PARD3: variants seen among roughly 807,000 people sequenced by gnomAD.
The protein encoded by PARD3 is partitioning defective 3 homolog.
In PARD3, 75 loss-of-function variants were observed where a neutral mutation model predicts 155.4. The observed-to-expected ratio is 0.48, with a 90% CI of 0.40 to 0.58. The LOEUF is 0.58. Among genes scored for constraint, PARD3 ranks in the 20% least tolerant of loss-of-function variants. The pLI, the probability that PARD3 is intolerant of heterozygous loss-of-function variation, is 0.00. For synonymous variants in PARD3, 576 were observed against 610.5 expected (o/e 0.94, Z 0.83); for missense variants, 1,642 against 1,721.7 (o/e 0.95, Z 0.82).
chr10:34,717,553 T>C (rs1434475846), intron 1 of PARD3, among the ~76,000 whole-genome samples: 1 of 152,112 alleles, frequency 6.6e-6, no homozygotes, highest in Non-Finnish European at 1.5e-5. Context: ...TTCCAAACCC[T>C]GAGAGTCTGG....
chr10:34,293,485 C>A (rs1053084185), intron 20 of PARD3, among the ~76,000 whole-genome samples: 1 of 151,956 alleles, frequency 6.6e-6, no homozygotes, highest in Non-Finnish European at 1.5e-5. Context: ...TACAAACATA[C>A]TATATATATA....
At chr10:34,368,004 G>A (rs750755357) in intron 12 of PARD3, among the ~76,000 whole-genome samples, 50 of 152,156 alleles carry the variant, frequency 3.3e-4, no homozygotes, top group Non-Finnish European at 4.7e-4. Flanking sequence ...TGTAGTCTCA[G>A]CACTTTGGAA....
intron 1 of PARD3, 38 bp downstream of exon 1, chr10:34,814,838 C>G: frequency 9.2e-7 from 1 of 1,088,268 alleles, no homozygotes; most frequent in Non-Finnish European, 1.3e-6. Flanking sequence ...GCCGTCCCCG[C>G]CGCCGCCCCC....
At chr10:34,261,780 GA>G (rs751946906) in intron 22 of PARD3, among the ~76,000 whole-genome samples, 1,343 of 46,042 alleles carry the variant, frequency 0.029, 13 homozygotes, top group Middle Eastern at 0.05. Context: ...AAGAAAGAAA[GA>G]AAAGAAAGAA....
chr10:34,305,805 G>A (rs1121830), intron 20 of PARD3, among the ~76,000 whole-genome samples: 1 of 151,850 alleles, frequency 6.6e-6, no homozygotes, highest in Non-Finnish European at 1.5e-5. Flanking sequence ...AAGTGAGACC[G>A]TGTCTTTACA....
chr10:34,737,732 A>T (rs916434756), intron 1 of PARD3, among the ~76,000 whole-genome samples: 1 of 152,212 alleles, frequency 6.6e-6, no homozygotes, highest in African/African-American at 2.4e-5. Flanking sequence ...CCTAGTTTGG[A>T]CTTCCCAGCC....
intron 1 of PARD3, among the ~76,000 whole-genome samples, chr10:34,700,303 G>A (rs1328000373): frequency 2.6e-5 from 4 of 152,190 alleles, no homozygotes; most frequent in Admixed American, 6.5e-5. Flanking sequence ...CTAAGACTAA[G>A]AATGGAAGCA....
intron 3 of PARD3, among the ~76,000 whole-genome samples, chr10:34,474,979 A>C (rs578201179): frequency 1.4e-4 from 21 of 152,336 alleles, no homozygotes; most frequent in African/African-American, 4.8e-4. Flanking sequence ...AAAAAAATCT[A>C]TCATTAAATG....
chr10:34,254,259 G>A (rs61840227), intron 22 of PARD3, among the ~76,000 whole-genome samples: 118 of 152,092 alleles, frequency 7.8e-4, no homozygotes, highest in Non-Finnish European at 1.4e-3. Flanking sequence ...ACGTGCTGTA[G>A]TCCCAGCTAC....
At position 34,605,560 on chromosome 10, in the gene PARD3, C is replaced by CTA. The variant is rs772269864; in HGVS notation, c.223-88403_223-88402dup. On this transcript the variant is annotated intron_variant, in intron 2 of 24. Coordinates refer to ENST00000374788, the MANE Select transcript of PARD3 (RefSeq NM_001184785.2). The stretch of plus-strand genomic sequence containing the variant: ...TCCTATATATATATATATATATCTC[C>CTA]TATATATATATATATCTCCTATATA... Among the ~76,000 whole-genome samples, 51 of 14,578 alleles carry CTA rather than the reference C, an allele frequency of 3.5e-3. 8 individuals are homozygous for CTA. The South Asian group carries it at 0.038, about 11-fold the overall frequency. The allele number at this position is 14,578 out of a possible 152,430, so 9.6% of individuals were successfully genotyped here. A position where few individuals can be genotyped will look rare whatever the true frequency, so the allele number is the denominator to read the frequency against.
intron 1 of PARD3, among the ~76,000 whole-genome samples, chr10:34,790,855 C>A (rs1165939621): frequency 2.0e-5 from 3 of 151,962 alleles, no homozygotes; most frequent in South Asian, 2.1e-4. Flanking sequence ...GGCCTGTGAC[C>A]CAAAAATAAA....
intron 2 of PARD3, among the ~76,000 whole-genome samples, chr10:34,566,431 G>GT (rs2085947428): frequency 6.6e-6 from 1 of 152,198 alleles, no homozygotes; most frequent in Non-Finnish European, 1.5e-5. Context: ...ACCTGCAAGT[G>GT]CAAAGATACC....
At chr10:34,592,317 T>C (rs1422931236) in intron 2 of PARD3, among the ~76,000 whole-genome samples, 1 of 152,202 alleles carries the variant, frequency 6.6e-6, no homozygotes, top group Non-Finnish European at 1.5e-5. Flanking sequence ...GGGACACTAA[T>C]TTTTTTCCTC....
intron 2 of PARD3, among the ~76,000 whole-genome samples, chr10:34,557,623 C>T (rs898845822): frequency 6.6e-6 from 1 of 152,032 alleles, no homozygotes; most frequent in Non-Finnish European, 1.5e-5. Flanking sequence ...GGATTACAGG[C>T]GTCCGCCACC....
chr10:34,494,129 T>A (rs969321662), intron 3 of PARD3, among the ~76,000 whole-genome samples: 16 of 152,112 alleles, frequency 1.1e-4, no homozygotes, highest in African/African-American at 3.9e-4. Context: ...TCACCAAAAA[T>A]ACACAGCACT....
intron 1 of PARD3, among the ~76,000 whole-genome samples, chr10:34,755,571 C>A (rs1022802032): frequency 6.6e-6 from 1 of 152,170 alleles, no homozygotes; most frequent in East Asian, 1.9e-4. Context: ...GGATCTGGAT[C>A]TGCTTGTAGT....
At chr10:34,410,559 T>C (rs1221549168) in intron 5 of PARD3, among the ~76,000 whole-genome samples, 2 of 152,192 alleles carry the variant, frequency 1.3e-5, no homozygotes, top group African/African-American at 2.4e-5. Flanking sequence ...ATGTTTCAAA[T>C]GGCATGATCA....
At position 34,594,226 on chromosome 10, in the gene PARD3, TCTTGGAAGGAC is replaced by T. The variant is rs558394536; in HGVS notation, c.223-77078_223-77068del. On this transcript the variant is annotated intron_variant, in intron 2 of 24. Coordinates refer to ENST00000374788, the MANE Select transcript of PARD3 (RefSeq NM_001184785.2). ...GACTTTCTGTTCAACCTAAGCATGC[TCTTGGAAGGAC>T]CTAGTATGTGTATAATCAATTTGTA... Among the ~76,000 whole-genome samples the T allele has an allele frequency of 1.2e-4, 19 of 152,282 alleles. No homozygotes were observed. The South Asian group carries it at 3.9e-3, about 32-fold the overall frequency.
chr10:34,607,905 TC>T (rs1426123404), intron 2 of PARD3, among the ~76,000 whole-genome samples: 2 of 152,170 alleles, frequency 1.3e-5, no homozygotes, highest in Non-Finnish European at 2.9e-5. Context: ...AGCACAGATC[TC>T]CCATTTATGT....
Sources: allele counts gnomAD v4.1 joint callset (sites outside exome capture counted in the v4.1 genomes callset), GRCh38; gene constraint gnomAD v4.1.1; transcripts MANE v1.5; gene names NCBI Gene and HGNC (gene_info 2026-07-23, HGNC 2026-07-21).